The following OR8B8 variants were observed in gnomAD, a reference collection of about 807,000 sequenced individuals.
OR8B8 encodes the protein olfactory receptor 8B8.
A neutral mutation model predicts 10.5 loss-of-function variants in OR8B8; 8 were observed. The ratio of observed to expected loss-of-function variants is 0.76; its 90% CI spans 0.45 to 1.38. The LOEUF is 1.38. Among genes scored for constraint, OR8B8 ranks in the 40% most tolerant of loss-of-function variants. OR8B8 has a pLI of 0.00. For missense variants in OR8B8, 390 were observed against 380.5 expected, an observed-to-expected ratio of 1.03 and a Z score of -0.21; for synonymous variants, 150 against 145.2, an observed-to-expected ratio of 1.03 and a Z score of -0.24.
chr11:124,441,444 G>C, intron 2 of OR8B8, 44 bp downstream of exon 2: 1 of 255,616 alleles, frequency 3.9e-6, no homozygotes, highest in Non-Finnish European at 7.6e-6. Context: ...GGGTCATCCT[G>C]GACAGAGCAG....
chr11:124,442,035 T>C (rs1861480204), intron 1 of OR8B8, among the ~76,000 whole-genome samples: 1 of 151,012 alleles, frequency 6.6e-6, no homozygotes, highest in African/African-American at 2.4e-5. Flanking sequence ...TTACCATTTA[T>C]TGAGCACTTA....
At chr11:124,443,975 G>A (rs979878611) in intron 1 of OR8B8, among the ~76,000 whole-genome samples, 2 of 152,164 alleles carry the variant, frequency 1.3e-5, no homozygotes. Flanking sequence ...TCCCTTTTGT[G>A]TATCTCCAGT....
chr11:124,438,500 A>C lies in OR8B8; in HGVS notation c.*1650T>G, dbSNP rs1332170462. 1.3e-5 allele frequency: 2 copies of C among 152,190 alleles called. No individual in the cohort carries two copies. Among genetic ancestry groups the C allele is most frequent in the African/African-American group, 4.8e-5 (2 of 41,436 alleles). 9.4% of individuals were successfully genotyped at this position (152,190 alleles called of 1,614,324 possible). A position where few individuals can be genotyped will look rare whatever the true frequency, so the allele number is the denominator to read the frequency against. ...TTTCACAAAGAAATCTACTATTTAT[A>C]ATCTTTTTAAACTGAAAAGCTACTC... On this transcript the variant is annotated 3_prime_UTR_variant, in exon 3 of 3. Coordinates refer to ENST00000642064, the MANE Select transcript of OR8B8 (RefSeq NM_012378.2).
At chr11:124,443,077 T>TCACCCTATTGATCTGGATGTTTAAACA (rs1861492909) in intron 1 of OR8B8, among the ~76,000 whole-genome samples, 1 of 152,026 alleles carries the variant, frequency 6.6e-6, no homozygotes, top group African/African-American at 2.4e-5. Flanking sequence ...TAGGCAGGTT[T>TCACCCTATTGATCTGGATGTTTAAACA]GGGATTCAAT....
rs932623206 is a variant in OR8B8 at position 124,440,393 on chromosome 11, C to T, written c.693G>A (p.Thr231=). ...TGCTGAAGGCTTTGGACCTGCCCTCCGTGGAATCAATGTGGAAGATGCTGG... is the reference window on the plus strand; with the variant it reads ...TGCTGAAGGCTTTGGACCTGCCCTCTGTGGAATCAATGTGGAAGATGCTGG... ...ILSSIFHIDS[T]EGRSKAFSTC... The change falls in exon 3 of 3, where the codon ACG becomes ACA. Residue 231 remains threonine, a synonymous_variant. Transcript: ENST00000642064. The T allele has an allele frequency of 8.7e-6, 14 of 1,613,974 alleles. No homozygotes were observed. The highest frequency in any genetic ancestry group is 4.4e-5 in the South Asian group (4 of 91,080).
At position 124,440,101 on chromosome 11, in the gene OR8B8, A is replaced by G. The variant is rs1378930960; in HGVS notation, c.*49T>C. 2.1e-6 allele frequency: 3 copies of G among 1,461,058 alleles called. No homozygotes were observed. 90.5% of individuals were successfully genotyped at this position (1,461,058 alleles called of 1,614,324 possible). A position where few individuals can be genotyped will look rare whatever the true frequency, so the allele number is the denominator to read the frequency against. ...TCTTCCATGTAACCAGTGGAGTCCA[A>G]ATCACTTATGGGAGAAACAGTGTTT... On this transcript the variant is annotated 3_prime_UTR_variant, in exon 3 of 3. Transcript: ENST00000642064.
At position 124,440,888 on chromosome 11, in the gene OR8B8, C is replaced by T. The variant is rs1861465491; in HGVS notation, c.198G>A (p.Leu66=). 2 of 1,614,076 alleles carry T rather than the reference C, an allele frequency of 1.2e-6. No individual in the cohort carries two copies. Among genetic ancestry groups the T allele is most frequent in the Admixed American group, 3.3e-5 (2 of 60,016 alleles). The part of the protein sequence containing the change: ...HTPMYFFLYN[L]SFIDFCYSSV... Reference sequence around the variant, plus strand: ...TGGAATAGCAGAAATCTATGAAGGACAAGTTATAGAGGAAGAAGTACATAG... The same window carrying T: ...TGGAATAGCAGAAATCTATGAAGGATAAGTTATAGAGGAAGAAGTACATAG... The change falls in exon 3 of 3, where the codon TTG becomes TTA. Residue 66 remains leucine, a synonymous_variant. Transcript: ENST00000642064.
At position 124,440,702 on chromosome 11, in the gene OR8B8, GTTACAGATGGCCACATAGCGGTCATACGC is replaced by G; in HGVS notation, c.355_383del (p.Ala119ProfsTer44). Reference sequence around the variant, plus strand: ...ACATGGTGACCATGTACAACAGTGGGTTACAGATGGCCACATAGCGGTCATACGCCATTGCTGACAGGATGAAGGACTCA... The same window carrying G: ...ACATGGTGACCATGTACAACAGTGGGCATTGCTGACAGGATGAAGGACTCA... On this transcript the variant is annotated frameshift_variant, in exon 3 of 3. Coordinates refer to ENST00000642064, the MANE Select transcript of OR8B8 (RefSeq NM_012378.2). LOFTEE classifies it high-confidence loss of function. 1 of 1,614,142 alleles carries G rather than the reference GTTACAGATGGCCACATAGCGGTCATACGC, an allele frequency of 6.2e-7. No individual in the cohort carries two copies. Among genetic ancestry groups the G allele is most frequent in the South Asian group, 1.1e-5 (1 of 91,080 alleles).
At position 124,438,913 on chromosome 11, in the gene OR8B8, T is replaced by C. The variant is rs1861432357; in HGVS notation, c.*1237A>G. 2 of 152,250 alleles carry C rather than the reference T, an allele frequency of 1.3e-5. No homozygotes were observed. Among genetic ancestry groups the C allele is most frequent in the African/African-American group, 2.4e-5 (1 of 41,470 alleles). 9.4% of individuals were successfully genotyped at this position (152,250 alleles called of 1,614,324 possible). ...TATCACACTCCTCCTACCCTCTGATTTCCTCTGCTGATGTTGCCATTGGTC... is the reference window on the plus strand; with the variant it reads ...TATCACACTCCTCCTACCCTCTGATCTCCTCTGCTGATGTTGCCATTGGTC... On this transcript the variant is annotated 3_prime_UTR_variant, in exon 3 of 3. Coordinates refer to ENST00000642064, the MANE Select transcript of OR8B8 (RefSeq NM_012378.2).
rs747093535 is a variant in OR8B8 at position 124,440,196 on chromosome 11, A to G, written c.890T>C (p.Val297Ala). 63 of 1,613,724 alleles carry G rather than the reference A, an allele frequency of 3.9e-5. No homozygotes were observed. The highest frequency in any genetic ancestry group is 5.0e-5 in the Non-Finnish European group (59 of 1,179,948). ...PLIYSLRNKDVKVALKKILNK... is the reference protein window; with the variant it reads ...PLIYSLRNKDAKVALKKILNK... ...CAAGATTTTCTTTAGAGCAACTTTG[A>G]CGTCCTTATTCCTCAGGCTATAAAT... is the stretch of plus-strand genomic sequence containing the variant. Residue 297 changes from valine to alanine, a missense_variant, in exon 3 of 3, where the codon GTC (valine) becomes GCC (alanine). Physicochemically the swap from Val to Ala is moderately conservative, Grantham distance 64 (BLOSUM62 0). Coordinates refer to ENST00000642064, the MANE Select transcript of OR8B8 (RefSeq NM_012378.2).
chr11:124,441,322 C>T (rs1032000262), intron 2 of OR8B8, among the ~76,000 whole-genome samples, 166 bp downstream of exon 2: 21 of 152,152 alleles, frequency 1.4e-4, no homozygotes, highest in African/African-American at 3.9e-4. Context: ...CCCTTTGTTG[C>T]GCCCTTTCAA....
At position 124,440,757 on chromosome 11, in the gene OR8B8, G is replaced by A. The variant is rs936816937; in HGVS notation, c.329C>T (p.Ser110Phe). The change falls in exon 3 of 3, where the codon TCT becomes TTT. Residue 110 changes from serine to phenylalanine, a missense_variant. By Grantham distance (155) the Ser-to-Phe change is radical. Transcript: ENST00000642064. ...QLFFFLFFVV[S>F]ESFILSAMAY... ...CATTGCTGACAGGATGAAGGACTCA[G>A]AGACAACAAAGAAAAGAAAGAAGAA... The A allele has an allele frequency of 6.2e-7, 1 of 1,614,164 alleles. No homozygotes were observed. Among genetic ancestry groups the A allele is most frequent in the Non-Finnish European group, 8.5e-7 (1 of 1,180,018 alleles).
rs1289060274 is a variant in OR8B8 at position 124,439,073 on chromosome 11, A to T, written c.*1077T>A. ...ACCCCACATGGTTTCTGCTGCATGC[A>T]GCATTATACCATTCAGTGGTCATTC... On this transcript the variant is annotated 3_prime_UTR_variant, in exon 3 of 3. Transcript: ENST00000642064. 2.0e-5 allele frequency: 3 copies of T among 152,240 alleles called. No individual in the cohort carries two copies. The highest frequency in any genetic ancestry group is 7.2e-5 in the African/African-American group (3 of 41,470). The allele number at this position is 152,240 out of a possible 1,614,324, so 9.4% of individuals were successfully genotyped here.
Position 124,440,108 on chromosome 11 carries a change from T to G in OR8B8, c.*42A>C, listed in dbSNP as rs781417645. On this transcript the variant is annotated 3_prime_UTR_variant, in exon 3 of 3. Coordinates refer to ENST00000642064, the MANE Select transcript of OR8B8 (RefSeq NM_012378.2). ...TGTAACCAGTGGAGTCCAAATCACT[T>G]ATGGGAGAAACAGTGTTTCTTTCCT... 1 of 1,501,314 alleles carries G rather than the reference T, an allele frequency of 6.7e-7. No individual in the cohort carries two copies. Among genetic ancestry groups the G allele is most frequent in the Non-Finnish European group, 9.1e-7 (1 of 1,096,036 alleles). The allele number at this position is 1,501,314 out of a possible 1,614,324, so 93.0% of individuals were successfully genotyped here. A position where few individuals can be genotyped will look rare whatever the true frequency, so the allele number is the denominator to read the frequency against.
chr11:124,441,355 C>T (rs1032993419), intron 2 of OR8B8, 133 bp downstream of exon 2: 14 of 446,986 alleles, frequency 3.1e-5, no homozygotes, highest in African/African-American at 2.1e-4. Flanking sequence ...CTTAAGTTTA[C>T]AGAAACTGGG....
At chr11:124,441,149 G>A in intron 2 of OR8B8, 48 bp from the exon 3 acceptor site, 4 of 1,190,288 alleles carry the variant, frequency 3.4e-6, no homozygotes, top group Non-Finnish European at 4.8e-6. Flanking sequence ...AGAGACCACT[G>A]CTGCCCTCCC....
rs763623932 is a variant in OR8B8 at position 124,440,428 on chromosome 11, G to C, written c.658C>G (p.Leu220Val). The C allele has an allele frequency of 2.0e-5, 32 of 1,614,100 alleles. No homozygotes were observed. The highest frequency in any genetic ancestry group is 2.5e-5 in the Non-Finnish European group (29 of 1,180,050). The change falls in exon 3 of 3, where the codon CTC becomes GTC. Residue 220 changes from leucine to valine, a missense_variant. By Grantham distance (32) the Leu-to-Val change is conservative. Coordinates refer to ENST00000642064, the MANE Select transcript of OR8B8 (RefSeq NM_012378.2). ...ATGTGGAAGATGCTGGAGAGAATGAGAGCATAGGAAATGAAGATGGTGACT... is the reference window on the plus strand; with the variant it reads ...ATGTGGAAGATGCTGGAGAGAATGACAGCATAGGAAATGAAGATGGTGACT... ...PTVTIFISYA[L>V]ILSSIFHIDS...
Position 124,438,645 on chromosome 11 carries a change from A to G in OR8B8, c.*1505T>C, listed in dbSNP as rs1861429715. On this transcript the variant is annotated 3_prime_UTR_variant, in exon 3 of 3. Transcript: ENST00000642064. ...TTTCTGCAAAAATCAGATGATCCAC[A>G]TAAATACAGTAATTGAAAATACAAT... is the stretch of plus-strand genomic sequence containing the variant. The G allele has an allele frequency of 6.6e-6, 1 of 152,228 alleles. No individual in the cohort carries two copies. Among genetic ancestry groups the G allele is most frequent in the South Asian group, 2.1e-4 (1 of 4,834 alleles). The allele number at this position is 152,228 out of a possible 1,614,324, so 9.4% of individuals were successfully genotyped here.
rs147849438 is a variant in OR8B8, at chr11:124,440,188, C to A, written c.898G>T (p.Ala300Ser). 2 of 1,612,906 alleles carry A rather than the reference C, an allele frequency of 1.2e-6. No individual in the cohort carries two copies. Among genetic ancestry groups the A allele is most frequent in the African/African-American group, 2.7e-5 (2 of 74,800 alleles). ...YSLRNKDVKVALKKILNKNAF... is the reference protein window; with the variant it reads ...YSLRNKDVKVSLKKILNKNAF... ...TTTTTGTTCAAGATTTTCTTTAGAGCAACTTTGACGTCCTTATTCCTCAGG... is the reference window on the plus strand; with the variant it reads ...TTTTTGTTCAAGATTTTCTTTAGAGAAACTTTGACGTCCTTATTCCTCAGG... The change falls in exon 3 of 3, where the codon GCT becomes TCT. Residue 300 changes from alanine (A) to serine (S), a missense_variant. Ala to Ser is a moderately conservative substitution (Grantham distance 99). Transcript: ENST00000642064.
Sources: gnomAD v4.1 joint callset for allele counts (sites outside exome capture counted in the v4.1 genomes callset) on GRCh38, gnomAD v4.1.1 for gene constraint, MANE v1.5 for transcripts, NCBI Gene and HGNC (gene_info 2026-07-23, HGNC 2026-07-21) for gene names.